The following FBXO36 variants were observed in gnomAD, a reference collection of about 807,000 sequenced individuals.
FBXO36 encodes F-box protein 36.
Under a neutral mutation model 17.0 loss-of-function variants are expected in FBXO36, and 18 were observed. The observed-to-expected ratio is 1.06, with a 90% CI of 0.73 to 1.57. FBXO36 has a LOEUF of 1.57. FBXO36 is among the 40% of genes most tolerant of loss of function. FBXO36 has a pLI of 0.00. For missense variants in FBXO36, 229 were observed against 221.9 expected (o/e 1.03, Z -0.20); for synonymous variants, 83 against 85.3 (o/e 0.97, Z 0.15).
chr2:229,987,500 T>C (rs546799651), intron 2 of FBXO36, among the ~76,000 whole-genome samples: 2 of 152,140 alleles, frequency 1.3e-5, no homozygotes, highest in Non-Finnish European at 2.9e-5. Flanking sequence ...GATTTTGTTT[T>C]TGTGAGTTTT....
At chr2:229,970,255 C>T (rs1427400085) in intron 1 of FBXO36, among the ~76,000 whole-genome samples, 1 of 152,152 alleles carries the variant, frequency 6.6e-6, no homozygotes, top group Non-Finnish European at 1.5e-5. Flanking sequence ...TGCAGTGGCT[C>T]ACACCTGTAA....
intron 1 of FBXO36, among the ~76,000 whole-genome samples, chr2:229,929,555 G>A (rs778555395): frequency 1.3e-5 from 2 of 151,392 alleles, no homozygotes; most frequent in Non-Finnish European, 2.9e-5. Flanking sequence ...AACAGAGCAA[G>A]ACTCTGTTTC....
At chr2:229,924,844 CT>C (rs2076899160) in intron 1 of FBXO36, among the ~76,000 whole-genome samples, 1 of 151,958 alleles carries the variant, frequency 6.6e-6, no homozygotes, top group East Asian at 1.9e-4. Flanking sequence ...TCTCAGCTCA[CT>C]GCAAGCTCCG....
intron 1 of FBXO36, among the ~76,000 whole-genome samples, chr2:229,967,307 A>AT (rs2077158363): frequency 6.6e-6 from 1 of 152,154 alleles, no homozygotes; most frequent in Non-Finnish European, 1.5e-5. Context: ...TAGATATACA[A>AT]TCATGTCGTC....
chr2:229,949,740 A>C (rs2077047055), intron 1 of FBXO36, among the ~76,000 whole-genome samples: 1 of 152,064 alleles, frequency 6.6e-6, no homozygotes, highest in Non-Finnish European at 1.5e-5. Flanking sequence ...CCTGGCTGAC[A>C]CGGTGAAACC....
At chr2:229,926,125 TA>T (rs34162848) in intron 1 of FBXO36, among the ~76,000 whole-genome samples, 6,419 of 103,438 alleles carry the variant, frequency 0.062, 171 homozygotes, top group African/African-American at 0.094. Flanking sequence ...CCCCTTCTCT[TA>T]AAAAAAAAAA....
At chr2:229,944,724 C>T (rs545045593) in intron 1 of FBXO36, among the ~76,000 whole-genome samples, 1 of 151,480 alleles carries the variant, frequency 6.6e-6, no homozygotes, top group African/African-American at 2.4e-5. Flanking sequence ...TCCCGAGTAG[C>T]TGGGACTACA....
chr2:229,946,454 T>C (rs940260356), intron 1 of FBXO36, among the ~76,000 whole-genome samples: 2 of 152,068 alleles, frequency 1.3e-5, no homozygotes, highest in African/African-American at 4.8e-5. Context: ...TTTTCAGGAG[T>C]GAGTTTGAGG....
intron 1 of FBXO36, among the ~76,000 whole-genome samples, chr2:229,922,929 G>A (rs2076806497): frequency 6.6e-6 from 1 of 152,192 alleles, no homozygotes; most frequent in Non-Finnish European, 1.5e-5. Flanking sequence ...TCTCCGGCTT[G>A]CGTGCGGCCT....
At chr2:229,972,948 G>A (rs1470567610) in intron 1 of FBXO36, among the ~76,000 whole-genome samples, 1 of 151,832 alleles carries the variant, frequency 6.6e-6, no homozygotes, top group East Asian at 1.9e-4. Context: ...TGTAATCCCA[G>A]CTACTCGAGA....
intron 1 of FBXO36, among the ~76,000 whole-genome samples, chr2:229,969,959 G>A (rs6745417): frequency 0.23 from 34,892 of 152,060 alleles, 5,052 homozygotes; most frequent in Middle Eastern, 0.38. Flanking sequence ...ATCACAGTGA[G>A]ACAGCACTAC....
intron 3 of FBXO36, among the ~76,000 whole-genome samples, chr2:230,009,789 T>C (rs2106220547): frequency 6.7e-6 from 1 of 149,070 alleles, no homozygotes; most frequent in South Asian, 2.1e-4. Flanking sequence ...TAAAAAAAAA[T>C]ACAAAAATTA....
chr2:229,930,356 T>TA (rs1383775080), intron 1 of FBXO36, among the ~76,000 whole-genome samples: 4 of 152,126 alleles, frequency 2.6e-5, no homozygotes, highest in African/African-American at 9.7e-5. Context: ...GAAAAATAAT[T>TA]ACTTTCCTCA....
rs2077411246 is a variant in FBXO36, at chr2:230,010,724, A to G, written c.407A>G (p.Gln136Arg). 6.2e-7 allele frequency: 1 copy of G among 1,613,204 alleles called. No individual in the cohort carries two copies. The highest frequency in any genetic ancestry group is 1.1e-5 in the South Asian group (1 of 91,034). ...TGCATGTCTGATAAACTGTGGGAAC[A>G]GATAGTCCAGTCGACCTGCGACACC... ...KLCMSDKLWE[Q>R]IVQSTCDTIT... is the part of the protein sequence containing the mutation. The change falls in exon 4 of 4, where the codon CAG (glutamine) becomes CGG (arginine). Residue 136 changes from glutamine (Q) to arginine (R), a missense_variant. Gln to Arg is a conservative substitution (Grantham distance 43, BLOSUM62 1). Coordinates refer to ENST00000283946, the MANE Select transcript of FBXO36 (RefSeq NM_174899.5).
intron 2 of FBXO36, chr2:229,976,770 G>A (rs1338116804): frequency 2.6e-5 from 4 of 155,774 alleles, no homozygotes; most frequent in Non-Finnish European, 5.6e-5. Context: ...AGTGAGCTGA[G>A]ATCAGACCAT....
chr2:229,976,152 C>G, intron 1 of FBXO36, 89 bp from the exon 2 acceptor site: 1 of 856,648 alleles, frequency 1.2e-6, no homozygotes, highest in Non-Finnish European at 1.8e-6. Context: ...GGACACATAG[C>G]CTTATGCAAA....
rs1478744991 is a variant in FBXO36, at chr2:229,996,828, G to A, written c.283G>A (p.Glu95Lys). Reference protein sequence around the residue: ...NLCKGKFDFLERLSDDLLLTI... With the variant: ...NLCKGKFDFLKRLSDDLLLTI... ...GTGCAAAGGTAAATTTGACTTCCTT[G>A]AACGGCTCTCAGACGATTTGCTCCT... The change falls in exon 3 of 4, where the codon GAA (glutamate) becomes AAA (lysine). Residue 95 changes from glutamate to lysine, a missense_variant. Transcript: ENST00000283946. 1.9e-6 allele frequency: 3 copies of A among 1,614,006 alleles called. No individual in the cohort carries two copies. The highest frequency in any genetic ancestry group is 2.5e-6 in the Non-Finnish European group (3 of 1,180,012).
rs2077420316 is a variant in FBXO36, at chr2:230,012,411, C to G, written c.*1527C>G. ...TCTCTGCTTCTCATTGCTGGAGGTA[C>G]ACACAGTCAAAAGTTTTCCGTGACT... is the stretch of plus-strand genomic sequence containing the variant. On this transcript the variant is annotated 3_prime_UTR_variant, in exon 4 of 4. Transcript: ENST00000283946. 1 of 146,934 alleles carries G rather than the reference C, an allele frequency of 6.8e-6. No homozygotes were observed. The highest frequency in any genetic ancestry group is 6.7e-5 in the Admixed American group (1 of 14,958). The allele number at this position is 146,934 out of a possible 1,614,324, so 9.1% of individuals were successfully genotyped here.
intron 1 of FBXO36, among the ~76,000 whole-genome samples, chr2:229,929,999 T>C (rs2076931346): frequency 6.6e-6 from 1 of 152,180 alleles, no homozygotes; most frequent in East Asian, 1.9e-4. Flanking sequence ...ATCATACTTG[T>C]GCTTATGTAT....
Sources: gnomAD v4.1 joint callset for allele counts (sites outside exome capture counted in the v4.1 genomes callset) on GRCh38, gnomAD v4.1.1 for gene constraint, MANE v1.5 for transcripts, NCBI Gene and HGNC (gene_info 2026-07-23, HGNC 2026-07-21) for gene names.